Variants in KAZN observed in about 807,000 individuals in gnomAD.
The protein encoded by KAZN is kazrin, periplakin interacting protein.
A neutral mutation model predicts 87.4 loss-of-function variants in KAZN; 40 were observed. The ratio of observed to expected loss-of-function variants is 0.46; its 90% CI spans 0.36 to 0.60. The LOEUF (loss-of-function observed/expected upper bound fraction) is 0.60. Ranked by LOEUF, KAZN falls within the 20% of genes least tolerant of loss-of-function variation. The pLI, the probability that KAZN is intolerant of heterozygous loss-of-function variation, is 0.00. For synonymous variants in KAZN, 466 were observed against 458.3 expected, an observed-to-expected ratio of 1.02 and a Z score of -0.22; for missense variants, 898 against 1,073.9, an observed-to-expected ratio of 0.84 and a Z score of 2.29.
chr1:14,544,961 C>T (rs1429776141), intron 2 of KAZN, among the ~76,000 whole-genome samples: 1 of 152,134 alleles, frequency 6.6e-6, no homozygotes, highest in African/African-American at 2.4e-5. Context: ...CCTCCCACCA[C>T]ACAGAGCACA....
chr1:14,388,269 T>C lies in KAZN; in HGVS notation c.249+207677T>C, dbSNP rs560648323. On this transcript the variant is annotated intron_variant, in intron 2 of 16. Coordinates refer to the KAZN transcript ENST00000636203. ...CTCAGATGGAAATGCAGAAATCACC[T>C]GTCTTCTGCATTGCTCACGCTGGGA... Among the ~76,000 whole-genome samples the C allele has an allele frequency of 2.9e-3, 440 of 152,308 alleles. 1 individual carries two copies. Among genetic ancestry groups the C allele is most frequent in the African/African-American group, 9.6e-3 (398 of 41,574 alleles).
chr1:15,046,090 G>C (rs774535764), intron 4 of KAZN, among the ~76,000 whole-genome samples: 1 of 152,182 alleles, frequency 6.6e-6, no homozygotes, highest in Non-Finnish European at 1.5e-5. Flanking sequence ...CTGAGGTCAG[G>C]AGTTCGAGAC....
intron 13 of KAZN, among the ~76,000 whole-genome samples, chr1:15,105,755 G>T (rs1641274471): frequency 6.6e-6 from 1 of 152,072 alleles, no homozygotes; most frequent in South Asian, 2.1e-4. Flanking sequence ...TGCATGTATG[G>T]CAGGGTCCAG....
At chr1:14,016,932 C>T (rs1415357335) in intron 1 of KAZN, among the ~76,000 whole-genome samples, 1 of 152,100 alleles carries the variant, frequency 6.6e-6, no homozygotes, top group African/African-American at 2.4e-5. Flanking sequence ...GAGCAGTTAC[C>T]ATGAATAAAA....
intron 1 of KAZN, among the ~76,000 whole-genome samples, chr1:14,098,743 T>G (rs904106248): frequency 1.3e-5 from 2 of 152,180 alleles, no homozygotes; most frequent in African/African-American, 4.8e-5. Flanking sequence ...ATTACAAACA[T>G]CTCATGCATT....
rs59576833 is a variant in KAZN, at chr1:14,565,001, T to C, written c.250-33982T>C. On this transcript the variant is annotated intron_variant, in intron 2 of 16. Coordinates refer to the KAZN transcript ENST00000636203. ...AGAATTTGGATACTGGGGGTTCAGGTTGAGAAGGAGAAACGAAAAAAATTA... is the reference window on the plus strand; with the variant it reads ...AGAATTTGGATACTGGGGGTTCAGGCTGAGAAGGAGAAACGAAAAAAATTA... Among the ~76,000 whole-genome samples, 431 of 136,058 alleles carry C rather than the reference T, an allele frequency of 3.2e-3. 9 individuals carry two copies. The East Asian group carries it at 0.042, about 13-fold the overall frequency. The allele number at this position is 136,058 out of a possible 152,430, so 89.3% of individuals were successfully genotyped here.
rs544728736 is a variant in KAZN, at chr1:14,577,326, A to G, written c.250-21657A>G. On this transcript the variant is annotated intron_variant, in intron 2 of 16. Coordinates refer to the KAZN transcript ENST00000636203. ...GGGCAGCCACATAAAAGTTAAATAC[A>G]AGCTATCTACGGGCTCATTGGATTG... Among the ~76,000 whole-genome samples, 9 of 152,328 alleles carry G rather than the reference A, an allele frequency of 5.9e-5. 1 individual carries two copies. Among genetic ancestry groups the G allele is most frequent in the Admixed American group, 5.9e-4 (9 of 15,306 alleles).
chr1:14,506,170 A>G (rs1209444608), intron 2 of KAZN, among the ~76,000 whole-genome samples: 1 of 152,232 alleles, frequency 6.6e-6, no homozygotes, highest in East Asian at 1.9e-4. Flanking sequence ...ACTTGGGCAG[A>G]TAATGATGTC....
intron 1 of KAZN, among the ~76,000 whole-genome samples, chr1:14,086,340 C>T (rs115522307): frequency 3.5e-4 from 53 of 152,220 alleles, no homozygotes; most frequent in African/African-American, 5.3e-4. Flanking sequence ...TTTCCTGATG[C>T]TCCTCCCCTC....
chr1:15,048,844 GGGTCGTTGGTCCTT>G lies in KAZN; in HGVS notation c.726+4699_726+4712del, dbSNP rs1182131230. 3.4e-3 allele frequency among the ~76,000 whole-genome samples: 514 copies of G among 149,050 alleles called. 6 individuals carry two copies. The highest frequency in any genetic ancestry group is 0.01 in the Middle Eastern group (3 of 292). On this transcript the variant is annotated intron_variant, in intron 4 of 14. Coordinates refer to ENST00000376030, the MANE Select transcript of KAZN (RefSeq NM_201628.3). ...TTGTTGGTGCTGGGTCGTTGGTCCT[GGGTCGTTGGTCCTT>G]GGTCGTTGGTCCTGGGTCGTTGGTC... is the stretch of plus-strand genomic sequence containing the variant.
chr1:14,445,622 C>T (rs1194620365), intron 2 of KAZN, among the ~76,000 whole-genome samples: 1 of 152,078 alleles, frequency 6.6e-6, no homozygotes, highest in Admixed American at 6.5e-5. Flanking sequence ...TATGGAACAC[C>T]AACATGGTGG....
At chr1:15,012,805 C>G (rs1275832831) in intron 2 of KAZN, among the ~76,000 whole-genome samples, 1 of 152,056 alleles carries the variant, frequency 6.6e-6, no homozygotes, top group East Asian at 1.9e-4. Flanking sequence ...ACCTGTAGTC[C>G]CAGCTACTCA....
At chr1:14,350,836 G>A (rs1450719631) in intron 2 of KAZN, 1 of 152,272 alleles carries the variant, frequency 6.6e-6, no homozygotes, top group Non-Finnish European at 1.5e-5. Flanking sequence ...AATTTCCCCA[G>A]AGTTTCAATC....
chr1:14,813,771 G>T (rs1319408740), intron 1 of KAZN, among the ~76,000 whole-genome samples: 1 of 152,180 alleles, frequency 6.6e-6, no homozygotes, highest in Non-Finnish European at 1.5e-5. Context: ...TTCTAGAATG[G>T]CTTGTCATGC....
At chr1:14,525,149 T>C (rs1034610065) in intron 2 of KAZN, among the ~76,000 whole-genome samples, 3 of 151,696 alleles carry the variant, frequency 2.0e-5, no homozygotes, top group Admixed American at 2.0e-4. Context: ...TGTTTGAATA[T>C]GTGCATGCAT....
At chr1:14,815,595 T>A (rs1646539659) in intron 1 of KAZN, among the ~76,000 whole-genome samples, 1 of 152,200 alleles carries the variant, frequency 6.6e-6, no homozygotes, top group African/African-American at 2.4e-5. Context: ...AATCATTGTC[T>A]GAATGTCAGA....
At chr1:14,901,394 A>G (rs549992477) in intron 1 of KAZN, among the ~76,000 whole-genome samples, 1 of 151,804 alleles carries the variant, frequency 6.6e-6, no homozygotes, top group South Asian at 2.1e-4. Context: ...GGCAGGGGAC[A>G]GATGATGCTG....
chr1:14,653,434 C>T (rs1337359391), intron 1 of KAZN, among the ~76,000 whole-genome samples: 1 of 152,172 alleles, frequency 6.6e-6, no homozygotes, highest in Admixed American at 6.5e-5. Flanking sequence ...CTGAAGGAGG[C>T]AGTGGCCACC....
At chr1:14,088,834 G>A (rs1481156171) in intron 1 of KAZN, among the ~76,000 whole-genome samples, 2 of 151,262 alleles carry the variant, frequency 1.3e-5, no homozygotes, top group Admixed American at 6.6e-5. Flanking sequence ...TGCACATTTA[G>A]CATTTTTTTT....
Sources: allele counts gnomAD v4.1 joint callset (sites outside exome capture counted in the v4.1 genomes callset), GRCh38; gene constraint gnomAD v4.1.1; transcripts MANE v1.5; gene names NCBI Gene and HGNC (gene_info 2026-07-23, HGNC 2026-07-21).